Variants in GBF1 observed in about 807,000 individuals in gnomAD.
The protein encoded by GBF1 is Golgi-specific brefeldin A-resistance guanine nucleotide exchange factor 1.
Under a neutral mutation model 210.5 loss-of-function variants are expected in GBF1, and 114 were observed. The observed-to-expected ratio is 0.54, with a 90% CI of 0.47 to 0.63. GBF1 has a LOEUF of 0.63. Among genes scored for constraint, GBF1 ranks in the 30% least tolerant of loss-of-function variants. The probability of loss-of-function intolerance (pLI) is 0.00; values close to 1 mark genes in which losing one functional copy is unlikely to be tolerated. For synonymous variants in GBF1, 850 were observed against 889.2 expected (o/e 0.96, Z 0.78); for missense variants, 1,851 against 2,357.7 (o/e 0.79, Z 4.45).
At chr10:102,357,253 G>A (rs1217018350) in intron 8 of GBF1, among the ~76,000 whole-genome samples, 1 of 152,106 alleles carries the variant, frequency 6.6e-6, no homozygotes, top group East Asian at 1.9e-4. Context: ...TTGGGAGGCT[G>A]GGGCAGGCAG....
At chr10:102,281,403 T>A (rs1346886892) in intron 3 of GBF1, among the ~76,000 whole-genome samples, 1 of 152,074 alleles carries the variant, frequency 6.6e-6, no homozygotes, top group Admixed American at 6.6e-5. Context: ...TTACCAACAA[T>A]CTGCATAAAA....
intron 33 of GBF1, among the ~76,000 whole-genome samples, 184 bp from the exon 34 acceptor site, chr10:102,379,100 T>C (rs552452738): frequency 1.3e-5 from 2 of 151,234 alleles, no homozygotes; most frequent in East Asian, 3.9e-4. Context: ...ACTTGGAGAG[T>C]CCTTTACAAG....
chr10:102,352,049 C>A, intron 6 of GBF1, 98 bp downstream of exon 6: 1 of 753,920 alleles, frequency 1.3e-6, no homozygotes, highest in Non-Finnish European at 2.4e-6. Flanking sequence ...AAATTCAGGA[C>A]TTCTCCATCA....
chr10:102,296,812 A>G (rs1223072170), intron 3 of GBF1, among the ~76,000 whole-genome samples: 1 of 152,170 alleles, frequency 6.6e-6, no homozygotes, highest in Non-Finnish European at 1.5e-5. Flanking sequence ...TGGGCAGCCA[A>G]GGTGGGCGGA....
chr10:102,272,679 GA>G (rs1315364449), intron 3 of GBF1, among the ~76,000 whole-genome samples: 2 of 152,044 alleles, frequency 1.3e-5, no homozygotes, highest in African/African-American at 2.4e-5. Context: ...TTTCTGTAAA[GA>G]ACTATTTTCC....
chr10:102,348,924 A>G (rs1043128766), intron 4 of GBF1, among the ~76,000 whole-genome samples: 1 of 152,090 alleles, frequency 6.6e-6, no homozygotes, highest in African/African-American at 2.4e-5. Context: ...CCAGGCAGGC[A>G]GATCACTTGA....
intron 3 of GBF1, among the ~76,000 whole-genome samples, chr10:102,276,478 A>T (rs983953442): frequency 6.0e-5 from 9 of 149,704 alleles, no homozygotes; most frequent in Non-Finnish European, 1.3e-4. Context: ...GTGAGCTGAG[A>T]TTGCACCACT....
At chr10:102,373,911 C>T (rs913551786) in intron 29 of GBF1, among the ~76,000 whole-genome samples, 4 of 152,160 alleles carry the variant, frequency 2.6e-5, no homozygotes, top group Non-Finnish European at 4.4e-5. Context: ...AACTGTGGTA[C>T]ATACACACCA....
At chr10:102,279,203 G>T (rs1589461981) in intron 3 of GBF1, among the ~76,000 whole-genome samples, 2 of 152,248 alleles carry the variant, frequency 1.3e-5, no homozygotes, top group East Asian at 3.9e-4. Context: ...TAACTAAAAA[G>T]AGTTTGAAAA....
chr10:102,331,834 G>A (rs931250019), intron 3 of GBF1, among the ~76,000 whole-genome samples: 14 of 143,586 alleles, frequency 9.8e-5, no homozygotes, highest in African/African-American at 3.7e-4. Context: ...ACAGGCGCAC[G>A]CCACCATACC....
At chr10:102,242,251 T>A (rs2070555436), upstream of GBF1, among the ~76,000 whole-genome samples, 1 of 152,232 alleles carries the variant, frequency 6.6e-6, no homozygotes, top group Admixed American at 6.5e-5. Flanking sequence ...TGCCACGAAC[T>A]GCACCATCAC....
At chr10:102,268,150 C>A (rs1032210687) in intron 3 of GBF1, among the ~76,000 whole-genome samples, 1 of 152,184 alleles carries the variant, frequency 6.6e-6, no homozygotes, top group Non-Finnish European at 1.5e-5. Flanking sequence ...CCAAGAAGTT[C>A]TTCCAAACAT....
intron 29 of GBF1, among the ~76,000 whole-genome samples, chr10:102,373,245 G>A (rs1429105960): frequency 6.6e-6 from 1 of 152,178 alleles, no homozygotes; most frequent in Admixed American, 6.5e-5. Context: ...TGGCAGATAG[G>A]CACATGAAAT....
At chr10:102,324,409 T>C (rs1245455769) in intron 3 of GBF1, among the ~76,000 whole-genome samples, 23 of 152,164 alleles carry the variant, frequency 1.5e-4, no homozygotes. Context: ...AATGAGTTAT[T>C]TGTAAGAAGG....
Position 102,379,362 on chromosome 10 carries a change from G to T in GBF1, c.4573G>T (p.Glu1525Ter). Reference sequence around the variant, plus strand: ...ATGGGCGGAGGAGCAACGCCACCTGGAGACAGGTGGCCAGAAGATTGAAGC... The same window carrying T: ...ATGGGCGGAGGAGCAACGCCACCTGTAGACAGGTGGCCAGAAGATTGAAGC... Reference protein sequence around the residue: ...SSWAEEQRHLETGGQKIEADS... With the variant: ...SSWAEEQRHL Residue 1525 changes from glutamate (E) to a stop codon, truncating the protein, a stop_gained, in exon 34 of 40, where the codon GAG (glutamate) becomes TAG (stop). Coordinates refer to ENST00000369983, the MANE Select transcript of GBF1 (RefSeq NM_001377137.1). LOFTEE classifies it high-confidence loss of function. 6 of 1,613,782 alleles carry T rather than the reference G, an allele frequency of 3.7e-6. No homozygotes were observed. The highest frequency in any genetic ancestry group is 5.1e-6 in the Non-Finnish European group (6 of 1,179,736).
chr10:102,230,720 C>T, the GBF1 span: 323 of 1,540,718 alleles, frequency 2.1e-4, no homozygotes, highest in Non-Finnish European at 2.7e-4. Flanking sequence ...GGGCAGGACA[C>T]GGCCCCGGAG....
intron 38 of GBF1, 103 bp from the exon 39 acceptor site, chr10:102,381,024 A>T: frequency 8.8e-7 from 1 of 1,140,780 alleles, no homozygotes; most frequent in Non-Finnish European, 1.3e-6. Flanking sequence ...AGCTGAATTT[A>T]TTGTCTGTGC....
chr10:102,244,865 A>T (rs1232370098), upstream of GBF1, among the ~76,000 whole-genome samples: 1 of 152,126 alleles, frequency 6.6e-6, no homozygotes, highest in African/African-American at 2.4e-5. Context: ...AGAGACTTAA[A>T]TTAGATATCC....
At position 102,363,535 on chromosome 10, in the gene GBF1, G is replaced by A. The variant is rs2059732029; in HGVS notation, c.2017+139G>A. On this transcript the variant is annotated intron_variant, in intron 16 of 39. Coordinates refer to ENST00000369983, the MANE Select transcript of GBF1 (RefSeq NM_001377137.1). This position sits in a 1 kb window ranked among gnomAD's most constrained non-coding sequence, Gnocchi z 4.2. ...CGCCTTCAGACTCAGAGAGAGGGAA[G>A]CAAACATATGGACCCTCAGTTGATA... 2 of 887,246 alleles carry A rather than the reference G, an allele frequency of 2.3e-6. No homozygotes were observed. The highest frequency in any genetic ancestry group is 3.4e-5 in the African/African-American group (2 of 59,682). 55.0% of individuals were successfully genotyped at this position (887,246 alleles called of 1,614,324 possible).
Sources: allele counts gnomAD v4.1 joint callset (sites outside exome capture counted in the v4.1 genomes callset), GRCh38; gene constraint gnomAD v4.1.1; non-coding constraint Gnocchi (gnomAD v3.1); transcripts MANE v1.5; gene names NCBI Gene and HGNC (gene_info 2026-07-23, HGNC 2026-07-21).